ZGPAT: variants seen among roughly 807,000 people sequenced by gnomAD.
ZGPAT encodes the protein zinc finger CCCH-type with G patch domain-containing protein.
ZGPAT carries 39 observed loss-of-function variants against 47.9 expected under a neutral mutation model. That is an observed-to-expected ratio of 0.81 (90% CI 0.63 to 1.06). The LOEUF (loss-of-function observed/expected upper bound fraction) is 1.06, where lower values mean the gene tolerates loss of function less well. Among genes scored for constraint, ZGPAT ranks in the 50% least tolerant of loss-of-function variants. The pLI, the probability that ZGPAT is intolerant of heterozygous loss-of-function variation, is 0.00. For missense variants in ZGPAT, 717 were observed against 681.4 expected (o/e 1.05, Z -0.58); for synonymous variants, 348 against 292.9 (o/e 1.19, Z -1.92).
At chr20:63,734,275 G>C in intron 4 of ZGPAT, 2 of 272,146 alleles carry the variant, frequency 7.3e-6, no homozygotes, top group East Asian at 1.7e-4. Flanking sequence ...GTCCAGGAGG[G>C]GTCTGCATGT....
At chr20:63,709,870 C>T (rs927193816) in intron 2 of ZGPAT, among the ~76,000 whole-genome samples, 1 of 151,474 alleles carries the variant, frequency 6.6e-6, no homozygotes, top group South Asian at 2.1e-4. Context: ...AATTTTTTAT[C>T]TTTTTTTTGA....
chr20:63,736,074 C>T lies in ZGPAT; in HGVS notation c.*155C>T, dbSNP rs537024264. ...CTGCGGGGTCCCATCTGGACACTTA[C>T]TTGCCCACCTGCCAGTGTCTTGGGC... On this transcript the variant is annotated 3_prime_UTR_variant, in exon 7 of 7. Coordinates refer to ENST00000355969, the MANE Select transcript of ZGPAT (RefSeq NM_181485.3). The T allele has an allele frequency of 6.7e-6, 7 of 1,045,270 alleles. No individual in the cohort carries two copies. The highest frequency in any genetic ancestry group is 9.6e-6 in the Non-Finnish European group (7 of 729,330). 64.7% of individuals were successfully genotyped at this position (1,045,270 alleles called of 1,614,324 possible).
At chr20:63,716,648 T>C (rs1276424626) in intron 2 of ZGPAT, among the ~76,000 whole-genome samples, 3 of 151,824 alleles carry the variant, frequency 2.0e-5, no homozygotes, top group African/African-American at 4.8e-5. Flanking sequence ...GTAGCTGGGA[T>C]TACAGGTGTG....
chr20:63,726,910 C>G (rs897797171), intron 2 of ZGPAT, among the ~76,000 whole-genome samples: 2 of 152,174 alleles, frequency 1.3e-5, no homozygotes, highest in Non-Finnish European at 2.9e-5. Context: ...TCCAGACCCC[C>G]ACACATGCAA....
At chr20:63,726,083 C>T (rs943501748) in intron 2 of ZGPAT, among the ~76,000 whole-genome samples, 3 of 151,968 alleles carry the variant, frequency 2.0e-5, no homozygotes, top group Non-Finnish European at 4.4e-5. Context: ...AGGTGAACCA[C>T]CTGCCTCAGC....
intron 2 of ZGPAT, among the ~76,000 whole-genome samples, chr20:63,732,850 G>T (rs2091932714): frequency 6.6e-6 from 1 of 152,076 alleles, no homozygotes; most frequent in African/African-American, 2.4e-5. Flanking sequence ...GTGCATGTGT[G>T]TGTACATGTG....
At position 63,733,609 on chromosome 20, in the gene ZGPAT, A is replaced by T. The variant is rs1242164275; in HGVS notation, c.741A>T (p.Thr247=). 3.1e-6 allele frequency: 5 copies of T among 1,614,094 alleles called. No individual in the cohort carries two copies. The highest frequency in any genetic ancestry group is 4.2e-6 in the Non-Finnish European group (5 of 1,180,034). Residue 247 remains threonine (T), a synonymous_variant, in exon 4 of 7, where the codon ACA becomes ACT. Transcript: ENST00000355969. ...CAGATGTGGACAACGGCTACTACAC[A>T]GTCAAGTTTGACTCGCTGCTGCTGA... ...RITDVDNGYY[T]VKFDSLLLRE...
chr20:63,721,616 C>A (rs150169194), intron 2 of ZGPAT, among the ~76,000 whole-genome samples: 1 of 152,264 alleles, frequency 6.6e-6, no homozygotes, highest in Non-Finnish European at 1.5e-5. Flanking sequence ...AGCCCTTAGA[C>A]CTTCATGTAG....
intron 2 of ZGPAT, among the ~76,000 whole-genome samples, chr20:63,723,116 GCTCCATCCTCCCTTCTCCTCTGACAT>G: frequency 6.7e-6 from 1 of 149,506 alleles, no homozygotes; most frequent in Admixed American, 6.7e-5. Context: ...CTATGACACA[GCTCCATCCTCCCTTCTCCTCTGACAT>G]AGCTCCATCC....
intron 2 of ZGPAT, among the ~76,000 whole-genome samples, chr20:63,728,635 A>C (rs2091867318): frequency 6.6e-6 from 1 of 152,210 alleles, no homozygotes; most frequent in Admixed American, 6.5e-5. Flanking sequence ...CTTCCTGTTA[A>C]GTATCTGGCT....
In ZGPAT at chr20:63,735,574, G is replaced by T; in HGVS notation, c.1397+10G>T. On this transcript the variant is annotated intron_variant, in intron 6 of 6. Coordinates refer to ENST00000355969, the MANE Select transcript of ZGPAT (RefSeq NM_181485.3). ...CCCGCAACGCTGGCCGGTACGTGTG[G>T]GGCCCAGCTCAGGGCAAAGGGCGAC... The T allele has an allele frequency of 1.3e-6, 2 of 1,513,980 alleles. No individual in the cohort carries two copies. The highest frequency in any genetic ancestry group is 2.7e-5 in the South Asian group (2 of 74,944). 93.8% of individuals were successfully genotyped at this position (1,513,980 alleles called of 1,614,324 possible). A position where few individuals can be genotyped will look rare whatever the true frequency, so the allele number is the denominator to read the frequency against.
chr20:63,724,363 TAA>T (rs59890523), intron 2 of ZGPAT, among the ~76,000 whole-genome samples: 7 of 124,644 alleles, frequency 5.6e-5, no homozygotes, highest in African/African-American at 1.8e-4. Context: ...AGACTCTGCC[TAA>T]AAAAAAAAAA....
At chr20:63,732,845 T>C (rs2091932510) in intron 2 of ZGPAT, among the ~76,000 whole-genome samples, 2 of 150,920 alleles carry the variant, frequency 1.3e-5, no homozygotes, top group Non-Finnish European at 3.0e-5. Flanking sequence ...TGTGAGTGCA[T>C]GTGTGTGTAC....
intron 2 of ZGPAT, among the ~76,000 whole-genome samples, chr20:63,728,842 G>A (rs2091869162): frequency 1.3e-5 from 2 of 152,176 alleles, no homozygotes; most frequent in African/African-American, 4.8e-5. Context: ...TGACTCAGGA[G>A]TAGGAGCCAG....
intron 2 of ZGPAT, among the ~76,000 whole-genome samples, chr20:63,713,965 C>G (rs2091699199): frequency 6.6e-6 from 1 of 151,406 alleles, no homozygotes. Flanking sequence ...ATTTTTTATG[C>G]ACTATTTAGG....
chr20:63,715,552 A>T (rs1387727768), intron 2 of ZGPAT, among the ~76,000 whole-genome samples: 1 of 152,094 alleles, frequency 6.6e-6, no homozygotes, highest in African/African-American at 2.4e-5. Context: ...TCTTTTTAAC[A>T]GTTAAAAGTT....
At chr20:63,710,920 A>C (rs896458664) in intron 2 of ZGPAT, among the ~76,000 whole-genome samples, 7 of 152,160 alleles carry the variant, frequency 4.6e-5, no homozygotes, top group African/African-American at 1.7e-4. Flanking sequence ...TTTCTCTTAG[A>C]AGAAATATTT....
At chr20:63,733,478 C>A (rs1179178485) in intron 3 of ZGPAT, 109 bp from the exon 4 acceptor site, 1 of 1,600,130 alleles carries the variant, frequency 6.2e-7, no homozygotes, top group Non-Finnish European at 8.5e-7. Flanking sequence ...CCGAAATGAG[C>A]ACACCTACCC....
At chr20:63,733,073 TGAGTGTGTGA>T (rs1017288939) in intron 2 of ZGPAT, 136 bp from the exon 3 acceptor site, 15 of 1,011,684 alleles carry the variant, frequency 1.5e-5, no homozygotes, top group African/African-American at 1.3e-4. Context: ...TGTGTGTGCG[TGAGTGTGTGA>T]GAGTGTGTAT....
Sources: allele counts gnomAD v4.1 joint callset (sites outside exome capture counted in the v4.1 genomes callset), GRCh38; gene constraint gnomAD v4.1.1; transcripts MANE v1.5; gene names NCBI Gene and HGNC (gene_info 2026-07-23, HGNC 2026-07-21).